Variants in KIAA1328 observed in about 807,000 individuals in gnomAD.
KIAA1328 encodes the protein KIAA1328.
In KIAA1328, 52 loss-of-function variants were observed where a neutral mutation model predicts 68.1. The observed-to-expected ratio is 0.76, with a 90% confidence interval of 0.61 to 0.96. KIAA1328 has a LOEUF of 0.96. Ranked by LOEUF, KIAA1328 falls within the 40% of genes least tolerant of loss-of-function variation. The pLI is 0.00. For missense variants in KIAA1328, 641 were observed against 677.6 expected (o/e 0.95, Z 0.60); for synonymous variants, 232 against 239.4 (o/e 0.97, Z 0.28).
chr18:37,149,816 A>T (rs968489573), intron 7 of KIAA1328, among the ~76,000 whole-genome samples: 5 of 152,208 alleles, frequency 3.3e-5, no homozygotes, highest in Admixed American at 2.6e-4. Flanking sequence ...CAGGAAATCA[A>T]CAACACTAAA....
At chr18:36,893,465 T>TGTGTGTGTGTGTG (rs1556812094) in intron 5 of KIAA1328, among the ~76,000 whole-genome samples, 3 of 120,596 alleles carry the variant, frequency 2.5e-5, no homozygotes, top group African/African-American at 3.3e-5. Context: ...GTGTGTGTTT[T>TGTGTGTGTGTGTG]TGTGTGTGTG....
intron 5 of KIAA1328, among the ~76,000 whole-genome samples, chr18:36,917,146 GAT>G (rs1347516982): frequency 6.6e-6 from 1 of 152,074 alleles, no homozygotes; most frequent in African/African-American, 2.4e-5. Flanking sequence ...CATTTCCATT[GAT>G]TTCCTTCATG....
At chr18:37,124,767 C>T (rs2058352862) in intron 7 of KIAA1328, among the ~76,000 whole-genome samples, 3 of 152,094 alleles carry the variant, frequency 2.0e-5, no homozygotes. Flanking sequence ...CTCTAATATG[C>T]TAAGCTTATT....
At chr18:36,868,256 T>C (rs2047823457) in intron 4 of KIAA1328, among the ~76,000 whole-genome samples, 1 of 152,212 alleles carries the variant, frequency 6.6e-6, no homozygotes, top group African/African-American at 2.4e-5. Flanking sequence ...GGGGTTTCCC[T>C]GAGGTGTCCA....
chr18:37,009,698 TG>T (rs2151484176), intron 6 of KIAA1328, among the ~76,000 whole-genome samples: 1 of 152,170 alleles, frequency 6.6e-6, no homozygotes, highest in East Asian at 1.9e-4. Context: ...TGTGGAATGT[TG>T]TTCTAATGTT....
intron 7 of KIAA1328, among the ~76,000 whole-genome samples, chr18:37,111,904 C>G (rs1180606327): frequency 6.6e-6 from 1 of 152,184 alleles, no homozygotes; most frequent in Admixed American, 6.5e-5. Context: ...GGTCCCATGC[C>G]CACAGAGCCT....
At chr18:36,884,672 A>C (rs1417359418) in intron 4 of KIAA1328, among the ~76,000 whole-genome samples, 2 of 152,194 alleles carry the variant, frequency 1.3e-5, no homozygotes, top group African/African-American at 4.8e-5. Flanking sequence ...TTTCACTTAC[A>C]CCTATTCCTG....
At chr18:37,123,771 C>T (rs1351881065) in intron 7 of KIAA1328, among the ~76,000 whole-genome samples, 1 of 151,988 alleles carries the variant, frequency 6.6e-6, no homozygotes, top group Non-Finnish European at 1.5e-5. Flanking sequence ...AGTGGAACAA[C>T]CGTTTGTACA....
intron 9 of KIAA1328, among the ~76,000 whole-genome samples, chr18:37,195,055 C>T (rs377470196): frequency 6.6e-6 from 1 of 152,148 alleles, no homozygotes; most frequent in East Asian, 1.9e-4. Flanking sequence ...ATCAAATCAG[C>T]GTCACTGGGA....
At chr18:37,078,104 C>T (rs1009187183) in intron 7 of KIAA1328, among the ~76,000 whole-genome samples, 8 of 152,196 alleles carry the variant, frequency 5.3e-5, no homozygotes, top group African/African-American at 1.4e-4. Flanking sequence ...GTAACCAAAA[C>T]AGCATGGTAC....
In KIAA1328 at chr18:36,979,755, G is replaced by C. The variant is rs530265119; in HGVS notation, c.576+20320G>C. ...CAGTGGGTTCAGAGTTGCAAAGGAAGACTCAACCCACATGTCACAGATTGG... is the reference window on the plus strand; with the variant it reads ...CAGTGGGTTCAGAGTTGCAAAGGAACACTCAACCCACATGTCACAGATTGG... On this transcript the variant is annotated intron_variant, in intron 6 of 9. Coordinates refer to ENST00000280020, the MANE Select transcript of KIAA1328 (RefSeq NM_020776.3). Among the ~76,000 whole-genome samples, 18 of 152,208 alleles carry C rather than the reference G, an allele frequency of 1.2e-4. 1 individual carries two copies. In the South Asian group the frequency reaches 3.7e-3, roughly 32 times the overall value.
chr18:37,074,228 C>T (rs1206490716), intron 7 of KIAA1328, among the ~76,000 whole-genome samples: 4 of 152,140 alleles, frequency 2.6e-5, no homozygotes, highest in African/African-American at 9.7e-5. Context: ...TTTGGAGTTT[C>T]TAGGTTGCCA....
intron 6 of KIAA1328, among the ~76,000 whole-genome samples, chr18:37,042,388 T>A (rs866566403): frequency 2.2e-4 from 33 of 152,336 alleles, no homozygotes; most frequent in African/African-American, 7.5e-4. Flanking sequence ...TCAGCATTTC[T>A]TATAAAGGCA....
intron 5 of KIAA1328, among the ~76,000 whole-genome samples, chr18:36,890,464 A>C (rs2048647337): frequency 6.6e-6 from 1 of 152,116 alleles, no homozygotes. Flanking sequence ...TGAGGTTAGG[A>C]GTTCGAGACC....
At chr18:36,835,176 G>T in intron 2 of KIAA1328, 58 bp from the exon 3 acceptor site, 2 of 1,478,470 alleles carry the variant, frequency 1.4e-6, no homozygotes, top group East Asian at 2.3e-5. Context: ...GAGTTGATGG[G>T]GGAGGGTTTA....
intron 5 of KIAA1328, among the ~76,000 whole-genome samples, chr18:36,900,893 A>C (rs913939502): frequency 2.6e-5 from 4 of 152,018 alleles, no homozygotes; most frequent in Non-Finnish European, 4.4e-5. Flanking sequence ...ATTTTAAAAA[A>C]TCCACACTTT....
At chr18:37,137,118 G>A (rs1288526714) in intron 7 of KIAA1328, among the ~76,000 whole-genome samples, 1 of 152,080 alleles carries the variant, frequency 6.6e-6, no homozygotes, top group African/African-American at 2.4e-5. Context: ...CACTCAAAAT[G>A]AGATCTGCTC....
At chr18:37,023,238 AG>A (rs1463504473) in intron 6 of KIAA1328, among the ~76,000 whole-genome samples, 1 of 152,098 alleles carries the variant, frequency 6.6e-6, no homozygotes, top group Non-Finnish European at 1.5e-5. Flanking sequence ...TATTTGGGAC[AG>A]GGTCTTGCTC....
At chr18:36,872,581 C>A (rs2047983926) in intron 4 of KIAA1328, among the ~76,000 whole-genome samples, 1 of 152,114 alleles carries the variant, frequency 6.6e-6, no homozygotes, top group African/African-American at 2.4e-5. Flanking sequence ...TAAAGTAACA[C>A]AACTCCTACA....
Sources: gnomAD v4.1 joint callset for allele counts (sites outside exome capture counted in the v4.1 genomes callset) on GRCh38, gnomAD v4.1.1 for gene constraint, MANE v1.5 for transcripts, NCBI Gene and HGNC (gene_info 2026-07-23, HGNC 2026-07-21) for gene names.